The following PLPPR1 variants were observed in gnomAD, a reference collection of about 807,000 sequenced individuals.
PLPPR1 encodes phospholipid phosphatase related 1.
PLPPR1 carries 10 observed loss-of-function variants against 33.1 expected under a neutral mutation model. The observed-to-expected ratio is 0.30, with a 90% confidence interval of 0.19 to 0.51. PLPPR1 has a LOEUF of 0.51. Ranked by LOEUF, PLPPR1 falls within the 20% of genes least tolerant of loss-of-function variation. PLPPR1 has a pLI of 0.97. For synonymous variants in PLPPR1, 151 were observed against 151.0 expected (o/e 1.00, Z 0.00); for missense variants, 304 against 408.1 (o/e 0.74, Z 2.20).
At chr9:101,279,939 A>G (rs1828266959) in intron 3 of PLPPR1, among the ~76,000 whole-genome samples, 1 of 152,182 alleles carries the variant, frequency 6.6e-6, no homozygotes, top group African/African-American at 2.4e-5. Flanking sequence ...CAAATTATGC[A>G]AAGAAATAAT....
At chr9:101,042,883 T>A (rs1830092511) in intron 1 of PLPPR1, among the ~76,000 whole-genome samples, 1 of 152,194 alleles carries the variant, frequency 6.6e-6, no homozygotes, top group Admixed American at 6.5e-5. Flanking sequence ...GACTTTTCCC[T>A]AATCTTCTGC....
chr9:101,236,536 T>TCA (rs60508436), intron 2 of PLPPR1, among the ~76,000 whole-genome samples: 10,004 of 148,498 alleles, frequency 0.067, 355 homozygotes, highest in African/African-American at 0.078. Flanking sequence ...CTCTCTAAAC[T>TCA]CACACACACA....
chr9:101,295,333 T>C (rs1828602621), intron 4 of PLPPR1, among the ~76,000 whole-genome samples: 1 of 151,994 alleles, frequency 6.6e-6, no homozygotes, highest in Admixed American at 6.6e-5. Flanking sequence ...CATTCCATGC[T>C]CATGGGTAGG....
chr9:101,135,200 G>C (rs927567465), intron 1 of PLPPR1, among the ~76,000 whole-genome samples: 1 of 152,110 alleles, frequency 6.6e-6, no homozygotes, highest in African/African-American at 2.4e-5. Context: ...CTTAATCGCT[G>C]CCCTTTTTCT....
At chr9:101,181,854 GTA>G (rs150075845) in intron 1 of PLPPR1, among the ~76,000 whole-genome samples, 95 of 144,264 alleles carry the variant, frequency 6.6e-4, no homozygotes, top group African/African-American at 1.9e-3. Flanking sequence ...GTGCATGTGT[GTA>G]TATATATATA....
intron 2 of PLPPR1, among the ~76,000 whole-genome samples, chr9:101,207,856 A>C (rs1457816038): frequency 6.6e-6 from 1 of 152,184 alleles, no homozygotes; most frequent in Admixed American, 6.5e-5. Flanking sequence ...AGAACTAGGT[A>C]AACAGGACCA....
intron 1 of PLPPR1, among the ~76,000 whole-genome samples, chr9:101,087,494 G>C (rs547122756): frequency 1.9e-4 from 29 of 152,262 alleles, no homozygotes; most frequent in Non-Finnish European, 7.4e-5. Context: ...CCAAAGAAAC[G>C]TTTATAAAAT....
intron 3 of PLPPR1, among the ~76,000 whole-genome samples, chr9:101,275,988 C>T (rs1828185200): frequency 6.6e-6 from 1 of 152,094 alleles, no homozygotes; most frequent in Non-Finnish European, 1.5e-5. Context: ...TAAGCTCTTC[C>T]AGCAAATGTA....
chr9:101,235,472 T>A (rs1357614217), intron 2 of PLPPR1, among the ~76,000 whole-genome samples: 4 of 151,878 alleles, frequency 2.6e-5, no homozygotes, highest in African/African-American at 9.7e-5. Flanking sequence ...TTTAACAAAA[T>A]TTTTTTAAAA....
At chr9:101,215,047 A>T (rs922813078) in intron 2 of PLPPR1, among the ~76,000 whole-genome samples, 5 of 151,828 alleles carry the variant, frequency 3.3e-5, no homozygotes, top group African/African-American at 4.8e-5. Context: ...AAAAGAAAGA[A>T]AAGAAAAAAG....
At chr9:101,049,853 C>T (rs1015870402) in intron 1 of PLPPR1, among the ~76,000 whole-genome samples, 7 of 151,656 alleles carry the variant, frequency 4.6e-5, no homozygotes, top group African/African-American at 1.4e-4. Flanking sequence ...AGGCCATGCG[C>T]GGTGGCTCAT....
At chr9:101,234,908 T>C (rs1478391115) in intron 2 of PLPPR1, among the ~76,000 whole-genome samples, 1 of 151,994 alleles carries the variant, frequency 6.6e-6, no homozygotes, top group African/African-American at 2.4e-5. Flanking sequence ...TTCTTAAGAT[T>C]CAGAATTTCA....
intron 7 of PLPPR1, among the ~76,000 whole-genome samples, chr9:101,323,401 A>G (rs1829191434): frequency 6.7e-6 from 1 of 149,950 alleles, no homozygotes; most frequent in South Asian, 2.2e-4. Flanking sequence ...AAGCTGAGAT[A>G]GGAGGATCAC....
intron 2 of PLPPR1, among the ~76,000 whole-genome samples, chr9:101,212,337 A>C (rs10989434): frequency 0.039 from 5,953 of 151,384 alleles, 358 homozygotes; most frequent in African/African-American, 0.13. Flanking sequence ...CCTGCCTCAG[A>C]CTCCCAAAGT....
At chr9:101,199,185 T>C (rs1317790403) in intron 2 of PLPPR1, among the ~76,000 whole-genome samples, 2 of 152,160 alleles carry the variant, frequency 1.3e-5, no homozygotes, top group African/African-American at 2.4e-5. Flanking sequence ...AGTAGACAGA[T>C]AAAAATGTGA....
At chr9:101,122,296 A>G (rs932309481) in intron 1 of PLPPR1, among the ~76,000 whole-genome samples, 4 of 152,120 alleles carry the variant, frequency 2.6e-5, no homozygotes, top group African/African-American at 9.7e-5. Context: ...TTTAAAACAT[A>G]TTTATTTTTC....
chr9:101,078,105 A>G (rs1172771587), intron 1 of PLPPR1, among the ~76,000 whole-genome samples: 8 of 2,418 alleles, frequency 3.3e-3, no homozygotes, highest in African/African-American at 5.4e-3. Context: ...GGAGAAGGAG[A>G]AGAAGAAGAA....
intron 1 of PLPPR1, among the ~76,000 whole-genome samples, chr9:101,092,849 G>T (rs375366026): frequency 2.0e-5 from 3 of 152,090 alleles, no homozygotes; most frequent in Non-Finnish European, 2.9e-5. Context: ...GTCACGAGGC[G>T]AGGGTCCCCA....
At chr9:101,070,541 G>A (rs1341449418) in intron 1 of PLPPR1, among the ~76,000 whole-genome samples, 2 of 152,014 alleles carry the variant, frequency 1.3e-5, no homozygotes, top group Admixed American at 6.6e-5. Flanking sequence ...TCATACAGAC[G>A]AGAAATGCTT....
Sources: gnomAD v4.1 joint callset for allele counts (sites outside exome capture counted in the v4.1 genomes callset) on GRCh38, gnomAD v4.1.1 for gene constraint, MANE v1.5 for transcripts, NCBI Gene and HGNC (gene_info 2026-07-23, HGNC 2026-07-21) for gene names.